RYR2: variants seen among roughly 807,000 people sequenced by gnomAD.
RYR2 encodes ryanodine receptor 2.
RYR2 carries 227 observed loss-of-function variants against 601.1 expected under a neutral mutation model. The observed-to-expected ratio is 0.38, with a 90% CI of 0.34 to 0.42. RYR2 has a LOEUF of 0.42. Among genes scored for constraint, RYR2 ranks in the 10% least tolerant of loss-of-function variants. The probability of loss-of-function intolerance (pLI) is 1.00; values close to 1 mark genes in which losing one functional copy is unlikely to be tolerated. For synonymous variants in RYR2, 2,223 were observed against 2,175.1 expected, an observed-to-expected ratio of 1.02 and a Z score of -0.61; for missense variants, 4,646 against 6,156.5, an observed-to-expected ratio of 0.75 and a Z score of 8.21.
At chr1:237,582,269 A>ATT (rs34174618) in intron 29 of RYR2, among the ~76,000 whole-genome samples, 5,281 of 147,514 alleles carry the variant, frequency 0.036, 158 homozygotes, top group South Asian at 0.15. Flanking sequence ...CACCCAGATA[A>ATT]TTTTTTTTTT....
rs1662186604 is a variant in RYR2, at chr1:237,819,434, G to T, written c.14590+242G>T. Among the ~76,000 whole-genome samples, 2 of 152,116 alleles carry T rather than the reference G, an allele frequency of 1.3e-5. No homozygotes were observed. Among genetic ancestry groups the T allele is most frequent in the Non-Finnish European group, 2.9e-5 (2 of 68,026 alleles). On this transcript the variant is annotated intron_variant, in intron 101 of 104. Transcript: ENST00000366574. The surrounding 1 kb of genome is among the most constrained non-coding windows in gnomAD (Gnocchi z 4.0). ...TCTTTCAAATAACATAATGGAAAAG[G>T]CACTTTCCTTGGTTTGATTCTCACC...
At position 237,487,435 on chromosome 1, in the gene RYR2, A is replaced by G. The variant is rs73110424; in HGVS notation, c.1709-4371A>G. 4.0e-3 allele frequency among the ~76,000 whole-genome samples: 610 copies of G among 151,776 alleles called. 6 individuals are homozygous for G. Among genetic ancestry groups the G allele is most frequent in the African/African-American group, 0.014 (591 of 41,358 alleles). Reference sequence around the variant, plus strand: ...TAAAATTAAAAATCAAATTTATTTCAGGCTGGGTGCTGTGTCTCGCAACTA... The same window carrying G: ...TAAAATTAAAAATCAAATTTATTTCGGGCTGGGTGCTGTGTCTCGCAACTA... On this transcript the variant is annotated intron_variant, in intron 17 of 104. Transcript: ENST00000366574.
chr1:237,669,814 C>G (rs1684732546), intron 58 of RYR2, among the ~76,000 whole-genome samples: 1 of 148,542 alleles, frequency 6.7e-6, no homozygotes. Context: ...ACTGGGCAGC[C>G]AGGCAGAGGG....
At chr1:237,617,157 A>G (rs1678568205) in intron 37 of RYR2, 129 bp from the exon 38 acceptor site, 2 of 886,064 alleles carry the variant, frequency 2.3e-6, no homozygotes, top group Non-Finnish European at 3.4e-6. Flanking sequence ...TGCTGCCTAT[A>G]CAAAATCAGG....
chr1:237,590,990 A>G lies in RYR2; in HGVS notation c.4158A>G (p.Gln1386=). ...AGGAAAAGCCCTCTCGTCTGAAACA[A>G]AGGTTACTAATTTATACGCTGTGAT... ...YAQEKPSRLK[Q]RFLLRRTKPD... The change falls in exon 31 of 105, where the codon CAA becomes CAG. Residue 1386 remains glutamine, a splice_region_variant and synonymous_variant. Transcript: ENST00000366574. The G allele has an allele frequency of 1.2e-6, 2 of 1,609,744 alleles. No homozygotes were observed. The highest frequency in any genetic ancestry group is 1.7e-6 in the Non-Finnish European group (2 of 1,177,632).
chr1:237,393,621 TTC>T (rs1702573102), intron 10 of RYR2, among the ~76,000 whole-genome samples: 3 of 152,228 alleles, frequency 2.0e-5, no homozygotes, highest in African/African-American at 7.2e-5. Context: ...TTTCTTCTTT[TTC>T]TCTGTCTTCA....
intron 48 of RYR2, among the ~76,000 whole-genome samples, chr1:237,644,681 T>C (rs529679014): frequency 2.0e-5 from 3 of 152,326 alleles, no homozygotes; most frequent in South Asian, 4.1e-4. Context: ...TTTTCAATAC[T>C]TTATTGGATA....
At chr1:237,599,222 G>T (rs1221171176) in intron 34 of RYR2, among the ~76,000 whole-genome samples, 1 of 152,094 alleles carries the variant, frequency 6.6e-6, no homozygotes, top group Non-Finnish European at 1.5e-5. Context: ...ACAAGACAAA[G>T]ATGCCCACTT....
chr1:237,437,357 TG>T (rs2150129680), intron 12 of RYR2, among the ~76,000 whole-genome samples: 1 of 152,296 alleles, frequency 6.6e-6, no homozygotes, highest in East Asian at 1.9e-4. Context: ...CAGCCACATC[TG>T]GGTCTATTTT....
chr1:237,055,940 C>T (rs1170134135), intron 1 of RYR2, among the ~76,000 whole-genome samples: 2 of 151,906 alleles, frequency 1.3e-5, no homozygotes, highest in East Asian at 1.9e-4. Context: ...GACTGGAGCA[C>T]TGCACCTGTG....
chr1:237,402,499 A>G (rs1043981129), intron 10 of RYR2, among the ~76,000 whole-genome samples: 49 of 152,282 alleles, frequency 3.2e-4, no homozygotes, highest in African/African-American at 1.2e-3. Flanking sequence ...TCATATAGAC[A>G]TTCTAAAACT....
At chr1:237,240,989 A>G (rs1048995223) in intron 1 of RYR2, among the ~76,000 whole-genome samples, 1 of 152,248 alleles carries the variant, frequency 6.6e-6, no homozygotes, top group Non-Finnish European at 1.5e-5. Context: ...AAATGGAAAT[A>G]AGGTCAAATG....
intron 4 of RYR2, among the ~76,000 whole-genome samples, chr1:237,361,280 A>G (rs1396690813): frequency 1.3e-5 from 2 of 152,216 alleles, no homozygotes; most frequent in Admixed American, 6.5e-5. Context: ...TTAATTAACT[A>G]TAGCTACCTA....
chr1:237,765,507 T>G (rs1693781268), intron 84 of RYR2, among the ~76,000 whole-genome samples: 1 of 152,236 alleles, frequency 6.6e-6, no homozygotes, highest in Non-Finnish European at 1.5e-5. Flanking sequence ...TACTGATATA[T>G]TTATAATCAT....
At chr1:237,820,311 A>G (rs543661389) in intron 101 of RYR2, among the ~76,000 whole-genome samples, 1 of 152,082 alleles carries the variant, frequency 6.6e-6, no homozygotes, top group Non-Finnish European at 1.5e-5. Flanking sequence ...CTGCATTTCC[A>G]ACTGAGGTAC....
At position 237,387,283 on chromosome 1, in the gene RYR2, C is replaced by T. The variant is rs1321878462; in HGVS notation, c.579C>T (p.His193=). 3 of 1,613,980 alleles carry T rather than the reference C, an allele frequency of 1.9e-6. No homozygotes were observed. The highest frequency in any genetic ancestry group is 3.3e-5 in the Admixed American group (2 of 60,026). ...CCTCCTTTTGCCTCTTGATACAGCA[C>T]TTGTCTTATGGCAACGGCAGCTTAC... ...LVSVSSERYL[H]LSYGNGSLHV... is the part of the protein sequence containing the mutation. Residue 193 remains histidine (H), a splice_region_variant and synonymous_variant, in exon 9 of 105, where the codon CAC becomes CAT. Transcript: ENST00000366574.
intron 14 of RYR2, among the ~76,000 whole-genome samples, chr1:237,453,062 T>A (rs1658387929): frequency 6.6e-6 from 1 of 152,116 alleles, no homozygotes; most frequent in African/African-American, 2.4e-5. Context: ...TATTAACAGT[T>A]GAGTTTGAAT....
Position 237,189,385 on chromosome 1 carries a change from T to C in RYR2, c.49-81112T>C, listed in dbSNP as rs183360647. Among the ~76,000 whole-genome samples, 96 of 152,352 alleles carry C rather than the reference T, an allele frequency of 6.3e-4. 1 individual carries two copies. Among genetic ancestry groups the C allele is most frequent in the Middle Eastern group, 3.4e-3 (1 of 294 alleles). On this transcript the variant is annotated intron_variant, in intron 1 of 104. Transcript: ENST00000366574. ...AACACAGGTGTGCAAATTATCTCTT[T>C]GAGATTCTGCATCTTGTATATGTCT... is the stretch of plus-strand genomic sequence containing the variant.
In RYR2 at chr1:237,614,198, G is replaced by A. The variant is rs1435941641; in HGVS notation, c.5070G>A (p.Glu1690=). ...AACCTCAGCTCCTCTATGCCATTGA[G>A]AACAAGTACATGCCTGGTTTGCTGC... The part of the protein sequence containing the change: ...VDEPQLLYAI[E]NKYMPGLLRA... The change falls in exon 37 of 105, where the codon GAG becomes GAA. Residue 1690 remains glutamate (E), a synonymous_variant. Coordinates refer to ENST00000366574, the MANE Select transcript of RYR2 (RefSeq NM_001035.3). The surrounding 1 kb of genome is among the most constrained non-coding windows in gnomAD (Gnocchi z 4.3). 10 of 1,614,004 alleles carry A rather than the reference G, an allele frequency of 6.2e-6. No homozygotes were observed. Among genetic ancestry groups the A allele is most frequent in the African/African-American group, 2.7e-5 (2 of 75,056 alleles).
Sources: gnomAD v4.1 joint callset for allele counts (sites outside exome capture counted in the v4.1 genomes callset) on GRCh38, gnomAD v4.1.1 for gene constraint, Gnocchi (gnomAD v3.1) non-coding constraint, MANE v1.5 for transcripts, NCBI Gene and HGNC (gene_info 2026-07-23, HGNC 2026-07-21) for gene names.